KHDRBS2: variants seen among roughly 807,000 people sequenced by gnomAD.
KHDRBS2 encodes KH domain-containing, RNA-binding, signal transduction-associated protein 2.
In KHDRBS2, 26 loss-of-function variants were observed where a neutral mutation model predicts 44.3. The ratio of observed to expected loss-of-function variants is 0.59; its 90% CI spans 0.43 to 0.81. The LOEUF (loss-of-function observed/expected upper bound fraction) is 0.81. Among genes scored for constraint, KHDRBS2 ranks in the 40% least tolerant of loss-of-function variants. The pLI is 0.00. For synonymous variants in KHDRBS2, 194 were observed against 151.1 expected (o/e 1.28, Z -2.08); for missense variants, 476 against 433.1 (o/e 1.10, Z -0.88).
At chr6:62,063,325 G>T (rs748398245) in intron 2 of KHDRBS2, among the ~76,000 whole-genome samples, 4 of 150,892 alleles carry the variant, frequency 2.7e-5, no homozygotes, top group Admixed American at 2.0e-4. Flanking sequence ...AGACACAACC[G>T]AACAAGAGAA....
chr6:61,898,141 T>C (rs1803276369), intron 5 of KHDRBS2, among the ~76,000 whole-genome samples: 1 of 152,094 alleles, frequency 6.6e-6, no homozygotes, highest in African/African-American at 2.4e-5. Context: ...CATCATCTTT[T>C]TGAATATAAG....
intron 1 of KHDRBS2, among the ~76,000 whole-genome samples, chr6:62,274,604 C>A (rs572270350): frequency 1.1e-4 from 17 of 152,164 alleles, no homozygotes; most frequent in Admixed American, 1.0e-3. Context: ...ATGTATAATT[C>A]TCTCCAATTT....
At chr6:62,038,388 C>T (rs1026274698) in intron 3 of KHDRBS2, among the ~76,000 whole-genome samples, 1 of 151,576 alleles carries the variant, frequency 6.6e-6, no homozygotes, top group African/African-American at 2.4e-5. Context: ...AGCCAGAAAA[C>T]AGTTTTCTAC....
At chr6:61,641,816 A>G in the KHDRBS2 span, among the ~76,000 whole-genome samples, 71 of 152,348 alleles carry the variant, frequency 4.7e-4, no homozygotes, top group Non-Finnish European at 9.1e-4. Flanking sequence ...AAAGATAGAG[A>G]TAGAGGCCAA....
chr6:61,985,277 A>G (rs542487966), intron 3 of KHDRBS2, among the ~76,000 whole-genome samples: 1 of 152,284 alleles, frequency 6.6e-6, no homozygotes, highest in Non-Finnish European at 1.5e-5. Context: ...TAAAGACCGA[A>G]ATATTTTATT....
intron 2 of KHDRBS2, among the ~76,000 whole-genome samples, chr6:62,054,674 A>G (rs540841646): frequency 6.6e-6 from 1 of 152,154 alleles, no homozygotes; most frequent in African/African-American, 2.4e-5. Flanking sequence ...AAAGGAGGCC[A>G]TGAGCCAAAG....
intron 6 of KHDRBS2, among the ~76,000 whole-genome samples, chr6:61,772,975 AT>A (rs1245513138): frequency 1.3e-5 from 2 of 152,094 alleles, no homozygotes; most frequent in African/African-American, 4.8e-5. Flanking sequence ...TGAACTCATC[AT>A]TTTTTATGTC....
At chr6:62,138,422 T>C (rs1812046134) in intron 2 of KHDRBS2, among the ~76,000 whole-genome samples, 1 of 152,240 alleles carries the variant, frequency 6.6e-6, no homozygotes, top group African/African-American at 2.4e-5. Context: ...AATTATACCA[T>C]CAACTGTAAT....
intron 6 of KHDRBS2, among the ~76,000 whole-genome samples, chr6:61,792,902 T>C (rs1784825988): frequency 1.3e-5 from 2 of 151,878 alleles, no homozygotes. Context: ...TGTGTACCTG[T>C]GTGTATCCAT....
intron 2 of KHDRBS2, among the ~76,000 whole-genome samples, chr6:62,060,799 A>T (rs1385143326): frequency 6.6e-6 from 1 of 151,868 alleles, no homozygotes; most frequent in Non-Finnish European, 1.5e-5. Context: ...GGAGAATATA[A>T]TTCATTTATA....
At chr6:61,892,602 T>C (rs1013468688) in intron 6 of KHDRBS2, among the ~76,000 whole-genome samples, 1 of 151,972 alleles carries the variant, frequency 6.6e-6, no homozygotes, top group African/African-American at 2.4e-5. Flanking sequence ...ATGCCACATA[T>C]CTACAACTAT....
chr6:61,857,412 C>T (rs535110430), intron 6 of KHDRBS2, among the ~76,000 whole-genome samples: 135 of 151,984 alleles, frequency 8.9e-4, no homozygotes, highest in African/African-American at 3.1e-3. Flanking sequence ...AAATGATCAA[C>T]CACATTCATG....
At chr6:61,650,978 C>A in the KHDRBS2 span, among the ~76,000 whole-genome samples, 2 of 152,052 alleles carry the variant, frequency 1.3e-5, no homozygotes, top group Non-Finnish European at 2.9e-5. Context: ...TTACTATTTC[C>A]AATGTGTACA....
intron 3 of KHDRBS2, among the ~76,000 whole-genome samples, chr6:62,027,449 G>T (rs1191866805): frequency 6.6e-6 from 1 of 152,046 alleles, no homozygotes; most frequent in African/African-American, 2.4e-5. Flanking sequence ...CAATAAAGGT[G>T]AAAGGAATAT....
intron 3 of KHDRBS2, among the ~76,000 whole-genome samples, chr6:61,986,511 G>A (rs704492): frequency 0.94 from 142,907 of 152,270 alleles, 67,749 homozygotes; most frequent in East Asian, 1. Context: ...TTAAGGAAAT[G>A]TATACTTGAA....
chr6:61,590,143 G>C, the KHDRBS2 span, among the ~76,000 whole-genome samples: 1 of 152,080 alleles, frequency 6.6e-6, no homozygotes, highest in Non-Finnish European at 1.5e-5. Flanking sequence ...TGCATTCCTG[G>C]ATTAGTCATT....
intron 1 of KHDRBS2, among the ~76,000 whole-genome samples, chr6:62,192,583 T>C (rs1824851766): frequency 6.6e-6 from 1 of 152,138 alleles, no homozygotes; most frequent in African/African-American, 2.4e-5. Flanking sequence ...CTAATTACAT[T>C]AGGCATTCCT....
chr6:62,165,900 C>T (rs1174593083), intron 2 of KHDRBS2, among the ~76,000 whole-genome samples: 1 of 151,896 alleles, frequency 6.6e-6, no homozygotes, highest in African/African-American at 2.4e-5. Context: ...ATGCAACTAT[C>T]CACTTCTAGA....
chr6:61,964,466 C>T (rs557696672), intron 4 of KHDRBS2, among the ~76,000 whole-genome samples: 1 of 152,076 alleles, frequency 6.6e-6, no homozygotes, highest in African/African-American at 2.4e-5. Context: ...ATAGCATATT[C>T]ACTGTCAACT....
Sources: gnomAD v4.1 joint callset for allele counts (sites outside exome capture counted in the v4.1 genomes callset) on GRCh38, gnomAD v4.1.1 for gene constraint, MANE v1.5 for transcripts, NCBI Gene and HGNC (gene_info 2026-07-23, HGNC 2026-07-21) for gene names.